The following BMPR1B variants were observed in gnomAD, a reference collection of about 807,000 sequenced individuals.
The protein encoded by BMPR1B is bone morphogenetic protein receptor type-1B.
BMPR1B carries 12 observed loss-of-function variants against 59.1 expected under a neutral mutation model. The ratio of observed to expected loss-of-function variants is 0.20; its 90% confidence interval spans 0.13 to 0.33. The LOEUF (loss-of-function observed/expected upper bound fraction) is 0.33, where lower values mean the gene tolerates loss of function less well. Among genes scored for constraint, BMPR1B ranks in the 10% least tolerant of loss-of-function variants. The pLI, the probability that BMPR1B is intolerant of heterozygous loss-of-function variation, is 1.00. For missense variants in BMPR1B, 550 were observed against 610.9 expected, an observed-to-expected ratio of 0.90 and a Z score of 1.05; for synonymous variants, 237 against 207.3, an observed-to-expected ratio of 1.14 and a Z score of -1.23.
At chr4:94,976,460 C>G (rs1731036957) in intron 2 of BMPR1B, among the ~76,000 whole-genome samples, 1 of 152,124 alleles carries the variant, frequency 6.6e-6, no homozygotes, top group African/African-American at 2.4e-5. Context: ...CTGCCACAGT[C>G]CATCCTCTAA....
chr4:94,861,580 T>C (rs1050110153), intron 1 of BMPR1B, among the ~76,000 whole-genome samples: 1 of 152,168 alleles, frequency 6.6e-6, no homozygotes, highest in Admixed American at 6.5e-5. Flanking sequence ...CTTTCTCTTA[T>C]AGTGAGAGCA....
chr4:95,152,845 C>A, intron 12 of BMPR1B, 72 bp downstream of exon 12: 2 of 1,553,082 alleles, frequency 1.3e-6, no homozygotes, highest in Non-Finnish European at 8.8e-7. Context: ...TAAAATTCCA[C>A]ATATTGATTG....
chr4:95,139,893 G>A (rs187410723), intron 10 of BMPR1B, among the ~76,000 whole-genome samples: 155 of 152,292 alleles, frequency 1.0e-3, no homozygotes, highest in African/African-American at 3.3e-3. Flanking sequence ...CGGGTGAGGC[G>A]ATATGCCCCA....
intron 2 of BMPR1B, among the ~76,000 whole-genome samples, chr4:94,886,062 A>G (rs1273391285): frequency 6.6e-6 from 1 of 152,206 alleles, no homozygotes; most frequent in Non-Finnish European, 1.5e-5. Flanking sequence ...TTAACACTGC[A>G]TTTCCAAAAA....
At chr4:94,788,594 T>G (rs1319475954) in intron 1 of BMPR1B, among the ~76,000 whole-genome samples, 1 of 151,978 alleles carries the variant, frequency 6.6e-6, no homozygotes, top group Non-Finnish European at 1.5e-5. Flanking sequence ...AAACACAGAT[T>G]TACAGGACCA....
At chr4:94,923,607 A>G (rs1211381798) in intron 2 of BMPR1B, among the ~76,000 whole-genome samples, 1 of 152,154 alleles carries the variant, frequency 6.6e-6, no homozygotes, top group Non-Finnish European at 1.5e-5. Flanking sequence ...AGATTGAATA[A>G]TAATAAGTTT....
At chr4:94,918,325 A>C (rs756169583) in intron 2 of BMPR1B, among the ~76,000 whole-genome samples, 11 of 152,278 alleles carry the variant, frequency 7.2e-5, no homozygotes, top group Middle Eastern at 6.8e-3. Flanking sequence ...TCTCATGTGT[A>C]TCCTCATTTT....
At chr4:95,004,432 A>G (rs1722677581) in intron 3 of BMPR1B, among the ~76,000 whole-genome samples, 2 of 152,214 alleles carry the variant, frequency 1.3e-5, no homozygotes, top group South Asian at 4.1e-4. Context: ...TTCTTCTATT[A>G]TTTGTAATAT....
intron 1 of BMPR1B, among the ~76,000 whole-genome samples, chr4:94,874,311 A>G (rs145240032): frequency 0.016 from 2,400 of 152,212 alleles, 62 homozygotes; most frequent in African/African-American, 0.053. Flanking sequence ...TCTTTGGATT[A>G]TATATCCAAC....
chr4:94,807,724 G>A (rs910385287), intron 1 of BMPR1B, among the ~76,000 whole-genome samples: 6 of 151,984 alleles, frequency 3.9e-5, no homozygotes, highest in South Asian at 4.2e-4. Context: ...TCATTCTGTC[G>A]CCCAGGCTGG....
At chr4:94,884,570 C>T (rs966231765) in intron 2 of BMPR1B, among the ~76,000 whole-genome samples, 2 of 152,062 alleles carry the variant, frequency 1.3e-5, no homozygotes, top group Non-Finnish European at 2.9e-5. Flanking sequence ...ATGGAGGATA[C>T]TTTCAAATTG....
chr4:94,982,661 C>A lies in BMPR1B; in HGVS notation c.-112-13379C>A, dbSNP rs141835987. On this transcript the variant is annotated intron_variant, in intron 2 of 12. Coordinates refer to ENST00000515059, the MANE Select transcript of BMPR1B (RefSeq NM_001203.3). The stretch of plus-strand genomic sequence containing the variant: ...CAACCATGCCTTTTGGCCACCATCT[C>A]CTTATTTGACATCATCATGTGTCCT... Among the ~76,000 whole-genome samples the A allele has an allele frequency of 2.9e-3, 449 of 152,260 alleles. 2 individuals carry two copies. The highest frequency in any genetic ancestry group is 0.01 in the African/African-American group (420 of 41,546).
chr4:94,939,533 G>A (rs958746830), intron 2 of BMPR1B, among the ~76,000 whole-genome samples: 36 of 152,236 alleles, frequency 2.4e-4, no homozygotes, highest in African/African-American at 7.7e-4. Context: ...GTTTGTGCTT[G>A]ATTTTGTCAG....
chr4:95,103,481 T>A lies in BMPR1B; in HGVS notation c.-17-927T>A, dbSNP rs373517089. 8 of 985,362 alleles carry A rather than the reference T, an allele frequency of 8.1e-6. No individual in the cohort carries two copies. The South Asian group carries it at 2.3e-4, about 29-fold the overall frequency. The allele number at this position is 985,362 out of a possible 1,614,324, so 61.0% of individuals were successfully genotyped here. On this transcript the variant is annotated intron_variant, in intron 3 of 12. Transcript: ENST00000515059. ...ACAATTTATGCAGTTACATGGCATG[T>A]ATAAGAGCTCTTACCACAACGCCTG...
intron 1 of BMPR1B, among the ~76,000 whole-genome samples, chr4:94,776,097 GAAA>G (rs200886486): frequency 1.4e-5 from 2 of 139,002 alleles, no homozygotes; most frequent in African/African-American, 2.7e-5. Flanking sequence ...CTCAAAAAAA[GAAA>G]AAAAAAAAAA....
At chr4:95,152,891 G>A (rs1735154987) in intron 12 of BMPR1B, 118 bp downstream of exon 12, 1 of 1,237,654 alleles carries the variant, frequency 8.1e-7, no homozygotes, top group African/African-American at 1.5e-5. Context: ...GATGGTGATG[G>A]CGCCTCATTG....
At chr4:95,144,490 T>TA (rs1210564583) in intron 10 of BMPR1B, among the ~76,000 whole-genome samples, 66 of 148,978 alleles carry the variant, frequency 4.4e-4, no homozygotes, top group African/African-American at 1.2e-3. Context: ...TTTTTTTTTT[T>TA]AAAAAAAATA....
At chr4:94,897,328 G>A (rs1727626751) in intron 2 of BMPR1B, among the ~76,000 whole-genome samples, 2 of 151,990 alleles carry the variant, frequency 1.3e-5, no homozygotes, top group Admixed American at 1.3e-4. Context: ...CTATTCCCGC[G>A]TGACTCATGG....
chr4:95,086,662 G>A, intron 3 of BMPR1B, among the ~76,000 whole-genome samples: 1 of 152,162 alleles, frequency 6.6e-6, no homozygotes, highest in East Asian at 1.9e-4. Flanking sequence ...ATACTGCTAA[G>A]GAATAGATCT....
Sources: gnomAD v4.1 joint callset for allele counts (sites outside exome capture counted in the v4.1 genomes callset) on GRCh38, gnomAD v4.1.1 for gene constraint, MANE v1.5 for transcripts, NCBI Gene and HGNC (gene_info 2026-07-23, HGNC 2026-07-21) for gene names.